CEMIP: variants seen among roughly 807,000 people sequenced by gnomAD.
The protein encoded by CEMIP is cell migration inducing hyaluronidase 1, also known as cell migration-inducing and hyaluronan-binding protein.
A neutral mutation model predicts 156.9 loss-of-function variants in CEMIP; 105 were observed. The observed-to-expected ratio is 0.67, with a 90% confidence interval of 0.57 to 0.79. The LOEUF is 0.79. Ranked by LOEUF, CEMIP falls within the 30% of genes least tolerant of loss-of-function variation. The probability of loss-of-function intolerance (pLI) is 0.00; values close to 1 mark genes in which losing one functional copy is unlikely to be tolerated. For synonymous variants in CEMIP, 676 were observed against 668.4 expected, an observed-to-expected ratio of 1.01 and a Z score of -0.17; for missense variants, 1,457 against 1,769.4, an observed-to-expected ratio of 0.82 and a Z score of 3.17.
At chr15:80,788,021 A>G (rs1425089029) in intron 1 of CEMIP, among the ~76,000 whole-genome samples, 1 of 152,076 alleles carries the variant, frequency 6.6e-6, no homozygotes, top group Non-Finnish European at 1.5e-5. Context: ...CAAGCCCCCT[A>G]AAGGCTCGCC....
rs141765081 is a variant in CEMIP at position 80,806,028 on chromosome 15, C to G, written c.-176+26414C>G. On this transcript the variant is annotated intron_variant, in intron 1 of 29. Coordinates refer to ENST00000394685, the MANE Select transcript of CEMIP (RefSeq NM_001293298.2). ...TTCAATTGCTGGTTAATGGAATATT[C>G]TACACTCTGTATTTATGTACTGGTA... 4.1e-4 allele frequency among the ~76,000 whole-genome samples: 62 copies of G among 152,304 alleles called. 2 individuals are homozygous for G. The East Asian group carries it at 0.011, about 26-fold the overall frequency.
chr15:80,810,105 TG>T (rs147107223), intron 1 of CEMIP, among the ~76,000 whole-genome samples: 3 of 152,176 alleles, frequency 2.0e-5, no homozygotes, highest in South Asian at 4.2e-4. Flanking sequence ...GGAATCTTGG[TG>T]GGGGGATCTT....
At chr15:80,841,956 C>T (rs934756536) in intron 1 of CEMIP, 5 of 306,332 alleles carry the variant, frequency 1.6e-5, no homozygotes, top group Non-Finnish European at 3.4e-5. Flanking sequence ...TACAAAGATG[C>T]ATGGAAAATG....
At chr15:80,797,157 C>A (rs758879871) in intron 1 of CEMIP, among the ~76,000 whole-genome samples, 1 of 152,084 alleles carries the variant, frequency 6.6e-6, no homozygotes, top group African/African-American at 2.4e-5. Flanking sequence ...GAACTGCCTA[C>A]GGGAATTGTG....
intron 23 of CEMIP, among the ~76,000 whole-genome samples, chr15:80,934,253 A>T (rs1475595673): frequency 6.6e-6 from 1 of 152,182 alleles, no homozygotes; most frequent in African/African-American, 2.4e-5. Context: ...AAATCAGGGT[A>T]ATGGGATAGG....
At chr15:80,848,921 C>CACACAT (rs1227580175) in intron 1 of CEMIP, among the ~76,000 whole-genome samples, 1 of 147,986 alleles carries the variant, frequency 6.8e-6, no homozygotes, top group Non-Finnish European at 1.5e-5. Flanking sequence ...CACACACACA[C>CACACAT]ACACACCCTG....
intron 1 of CEMIP, among the ~76,000 whole-genome samples, chr15:80,862,040 C>G (rs575698011): frequency 1.1e-3 from 174 of 152,366 alleles, no homozygotes; most frequent in African/African-American, 4.1e-3. Flanking sequence ...GTGGGGCAGC[C>G]TCCTGCGCTC....
At chr15:80,878,578 C>T in intron 3 of CEMIP, 143 bp from the exon 4 acceptor site, 7 of 1,039,200 alleles carry the variant, frequency 6.7e-6, no homozygotes, top group Non-Finnish European at 1.0e-5. Flanking sequence ...GGAGGTCTCT[C>T]AGCTCTCTAA....
At chr15:80,806,842 G>A (rs537383721) in intron 1 of CEMIP, among the ~76,000 whole-genome samples, 108 of 152,298 alleles carry the variant, frequency 7.1e-4, no homozygotes, top group Admixed American at 1.5e-3. Context: ...TCCTAAGACG[G>A]ATAAAAATTT....
At chr15:80,894,312 A>G (rs955892103) in intron 10 of CEMIP, among the ~76,000 whole-genome samples, 3 of 152,218 alleles carry the variant, frequency 2.0e-5, no homozygotes, top group African/African-American at 7.2e-5. Context: ...TCTGCCACCT[A>G]CTGGCTTTGT....
chr15:80,847,962 C>T (rs1897604048), intron 1 of CEMIP, among the ~76,000 whole-genome samples: 1 of 152,206 alleles, frequency 6.6e-6, no homozygotes, highest in African/African-American at 2.4e-5. Context: ...GCACAGCTCT[C>T]CAGCATGTGC....
intron 20 of CEMIP, 22 bp from the exon 21 acceptor site, chr15:80,928,997 C>G: frequency 6.2e-7 from 1 of 1,614,204 alleles, no homozygotes; most frequent in Non-Finnish European, 8.5e-7. Flanking sequence ...GGCATCTCAC[C>G]TTAAACATCT....
intron 12 of CEMIP, among the ~76,000 whole-genome samples, chr15:80,900,585 G>GGTGTGTGT (rs57724852): frequency 0.026 from 1,984 of 74,900 alleles, 141 homozygotes; most frequent in Middle Eastern, 0.066. Context: ...CCCAGGTAGG[G>GGTGTGTGT]GTGTGTGTGT....
chr15:80,908,426 T>C (rs532640927), intron 13 of CEMIP, among the ~76,000 whole-genome samples: 14 of 152,308 alleles, frequency 9.2e-5, no homozygotes, highest in African/African-American at 3.1e-4. Flanking sequence ...TAGCTGAGCC[T>C]GACTTTTGAC....
chr15:80,937,014 G>A, intron 24 of CEMIP, 129 bp downstream of exon 24: 4 of 869,110 alleles, frequency 4.6e-6, no homozygotes, highest in Middle Eastern at 6.5e-4. Flanking sequence ...ACCTAGAGGG[G>A]TTGACATCAC....
At chr15:80,915,761 T>C (rs1236704989) in intron 14 of CEMIP, among the ~76,000 whole-genome samples, 1 of 152,208 alleles carries the variant, frequency 6.6e-6, no homozygotes, top group East Asian at 1.9e-4. Flanking sequence ...AACTCATTCC[T>C]GTCCTTGTTA....
intron 1 of CEMIP, among the ~76,000 whole-genome samples, chr15:80,854,444 A>G (rs1007644576): frequency 6.6e-6 from 1 of 152,202 alleles, no homozygotes; most frequent in Non-Finnish European, 1.5e-5. Context: ...TTTTAACAGC[A>G]TCTGTAGGGC....
intron 10 of CEMIP, among the ~76,000 whole-genome samples, chr15:80,891,286 A>G (rs1379944030): frequency 1.3e-5 from 2 of 152,086 alleles, no homozygotes; most frequent in East Asian, 3.9e-4. Context: ...GACATTCCCC[A>G]CTCTTGCATT....
intron 17 of CEMIP, among the ~76,000 whole-genome samples, chr15:80,923,519 T>C (rs1249949887): frequency 2.0e-5 from 3 of 151,600 alleles, no homozygotes; most frequent in East Asian, 3.9e-4. Flanking sequence ...TGCATGCAGG[T>C]GAATGGTTTC....
Sources: gnomAD v4.1 joint callset for allele counts (sites outside exome capture counted in the v4.1 genomes callset) on GRCh38, gnomAD v4.1.1 for gene constraint, MANE v1.5 for transcripts, NCBI Gene and HGNC (gene_info 2026-07-23, HGNC 2026-07-21) for gene names.